EFCAB13: variants seen among roughly 807,000 people sequenced by gnomAD.
The protein encoded by EFCAB13 is EF-hand calcium-binding domain-containing protein 13.
Under a neutral mutation model 110.2 loss-of-function variants are expected in EFCAB13, and 91 were observed. The observed-to-expected ratio is 0.83, with a 90% CI of 0.70 to 0.98. The LOEUF is 0.98. EFCAB13 is among the 50% of genes least tolerant of loss of function. The probability of loss-of-function intolerance (pLI) is 0.00; values close to 1 mark genes in which losing one functional copy is unlikely to be tolerated. For synonymous variants in EFCAB13, 323 were observed against 369.9 expected, an observed-to-expected ratio of 0.87 and a Z score of 1.45; for missense variants, 968 against 1,119.4, an observed-to-expected ratio of 0.86 and a Z score of 1.93.
intron 9 of EFCAB13, among the ~76,000 whole-genome samples, chr17:47,351,279 C>CTGTGTGTGTG (rs140772791): frequency 0.1 from 13,179 of 127,382 alleles, 966 homozygotes; most frequent in African/African-American, 0.21. Flanking sequence ...TAGTATTCCA[C>CTGTGTGTGTG]TGTGTGTGTG....
At chr17:47,404,735 T>A in intron 20 of EFCAB13, 102 bp downstream of exon 20, 1 of 748,396 alleles carries the variant, frequency 1.3e-6, no homozygotes, top group Non-Finnish European at 2.1e-6. Flanking sequence ...TTCTTTATAG[T>A]ATCTGTGCCA....
intron 23 of EFCAB13, among the ~76,000 whole-genome samples, chr17:47,419,943 C>CCCTCCCTCT (rs2143486936): frequency 8.2e-6 from 1 of 121,708 alleles, no homozygotes; most frequent in African/African-American, 3.1e-5. Flanking sequence ...CCTCTCCCTC[C>CCCTCCCTCT]CTCTCCCCAC....
rs577775496 is a variant in EFCAB13, at chr17:47,351,608, T to C, written c.661+3657T>C. Among the ~76,000 whole-genome samples the C allele has an allele frequency of 5.1e-4, 77 of 152,190 alleles. 1 individual carries two copies. Among genetic ancestry groups the C allele is most frequent in the Admixed American group, 1.0e-3 (16 of 15,280 alleles). On this transcript the variant is annotated intron_variant, in intron 9 of 24. Transcript: ENST00000331493. ...TTGAAAAATGTCTATTCATGTCATT[T>C]GCCCACTTTTTAACAGGATTATTTG...
rs201424547 is a variant in EFCAB13, at chr17:47,394,005, T to A, written c.1727-20T>A. Reference sequence around the variant, plus strand: ...TAATACTTAAAAGATGCCAAAAAAATGTGTTTCTTTTTCCTGTAGAAACAA... The same window carrying A: ...TAATACTTAAAAGATGCCAAAAAAAAGTGTTTCTTTTTCCTGTAGAAACAA... On this transcript the variant is annotated intron_variant, in intron 15 of 24. Transcript: ENST00000331493. The A allele has an allele frequency of 2.8e-6, 4 of 1,445,574 alleles. No individual in the cohort carries two copies. In the East Asian group the frequency reaches 9.5e-5, roughly 34 times the overall value. The allele number at this position is 1,445,574 out of a possible 1,614,324, so 89.5% of individuals were successfully genotyped here.
chr17:47,401,974 A>G (rs1382709636), intron 17 of EFCAB13, among the ~76,000 whole-genome samples, 158 bp from the exon 18 acceptor site: 1 of 152,180 alleles, frequency 6.6e-6, no homozygotes, highest in Non-Finnish European at 1.5e-5. Context: ...CTTAATATTT[A>G]TTAATCCCAT....
intron 5 of EFCAB13, among the ~76,000 whole-genome samples, chr17:47,339,665 C>T (rs2065372281): frequency 7.2e-6 from 1 of 138,052 alleles, no homozygotes; most frequent in Non-Finnish European, 1.5e-5. Context: ...TACCACTGTG[C>T]TTTTAGCCTG....
intron 20 of EFCAB13, among the ~76,000 whole-genome samples, chr17:47,407,758 TG>T (rs1356288319): frequency 6.6e-6 from 1 of 152,224 alleles, no homozygotes; most frequent in Non-Finnish European, 1.5e-5. Flanking sequence ...GTTTTTTGTT[TG>T]TTTTTTGTTT....
chr17:47,399,792 A>G (rs1171180036), intron 17 of EFCAB13, among the ~76,000 whole-genome samples: 1 of 152,214 alleles, frequency 6.6e-6, no homozygotes, highest in Admixed American at 6.5e-5. Flanking sequence ...TTACAAAAAA[A>G]GCATTGAAAA....
intron 17 of EFCAB13, among the ~76,000 whole-genome samples, chr17:47,397,620 CG>C (rs1292721323): frequency 1.1e-4 from 17 of 151,560 alleles, no homozygotes; most frequent in Non-Finnish European, 2.1e-4. Context: ...CGTCTCTGCC[CG>C]GCCGCCCATC....
At chr17:47,417,797 T>C (rs1904502019) in intron 23 of EFCAB13, among the ~76,000 whole-genome samples, 1 of 152,176 alleles carries the variant, frequency 6.6e-6, no homozygotes, top group Non-Finnish European at 1.5e-5. Context: ...CAGGAGTTTA[T>C]TGTTTGGGGC....
chr17:47,353,511 A>G (rs1454499412), intron 9 of EFCAB13, among the ~76,000 whole-genome samples: 2 of 151,798 alleles, frequency 1.3e-5, no homozygotes, highest in Non-Finnish European at 2.9e-5. Context: ...GGCCAGGCTG[A>G]TGTCGAACTC....
chr17:47,355,324 T>G (rs920216358), intron 9 of EFCAB13, among the ~76,000 whole-genome samples: 9 of 152,236 alleles, frequency 5.9e-5, no homozygotes, highest in African/African-American at 2.2e-4. Context: ...GTCCTTCATC[T>G]TGACTTTAGA....
At chr17:47,407,503 T>C (rs1219220744) in intron 20 of EFCAB13, among the ~76,000 whole-genome samples, 11 of 152,036 alleles carry the variant, frequency 7.2e-5, no homozygotes, top group South Asian at 4.1e-4. Flanking sequence ...CTGAATTACA[T>C]GTTGTATGTA....
chr17:47,328,368 A>G lies in EFCAB13; in HGVS notation c.15A>G (p.Val5=). 1.3e-6 allele frequency: 2 copies of G among 1,596,976 alleles called. No individual in the cohort carries two copies. Among genetic ancestry groups the G allele is most frequent in the Non-Finnish European group, 1.7e-6 (2 of 1,172,104 alleles). The change falls in exon 4 of 25, where the codon GTA becomes GTG. Residue 5 remains valine (V), a synonymous_variant. Coordinates refer to ENST00000331493, the MANE Select transcript of EFCAB13 (RefSeq NM_152347.5). METK[V]HLFCQAEENI... ...TAAACAGAAAGATGGAAACTAAAGT[A>G]CATTTATTCTGCCAGGTATTTATTT...
At chr17:47,378,966 C>T (rs900054499) in intron 13 of EFCAB13, among the ~76,000 whole-genome samples, 2 of 152,014 alleles carry the variant, frequency 1.3e-5, no homozygotes, top group East Asian at 3.9e-4. Context: ...TTTGTATTCT[C>T]GGTGCCTAGC....
At chr17:47,430,284 T>C (rs956661411) in intron 24 of EFCAB13, 2 of 982,704 alleles carry the variant, frequency 2.0e-6, no homozygotes, top group African/African-American at 3.5e-5. Context: ...GAGGCCCTTT[T>C]GGTTTTTGGA....
intron 23 of EFCAB13, among the ~76,000 whole-genome samples, chr17:47,421,809 A>G (rs374845109): frequency 2.0e-5 from 3 of 152,216 alleles, no homozygotes; most frequent in African/African-American, 7.2e-5. Context: ...TTACCAAAGT[A>G]GCTGAAGAAT....
intron 24 of EFCAB13, among the ~76,000 whole-genome samples, chr17:47,436,276 T>G (rs1485273845): frequency 6.6e-6 from 1 of 152,158 alleles, no homozygotes; most frequent in Non-Finnish European, 1.5e-5. Context: ...ATTAGAGTGA[T>G]GCTGGCTTCA....
intron 8 of EFCAB13, among the ~76,000 whole-genome samples, chr17:47,345,449 A>G (rs539317090): frequency 3.5e-4 from 54 of 152,254 alleles, no homozygotes; most frequent in African/African-American, 1.3e-3. Flanking sequence ...ATTAAGGCTT[A>G]TACTACCCTT....
Sources: allele counts gnomAD v4.1 joint callset (sites outside exome capture counted in the v4.1 genomes callset), GRCh38; gene constraint gnomAD v4.1.1; transcripts MANE v1.5; gene names NCBI Gene and HGNC (gene_info 2026-07-23, HGNC 2026-07-21).